Variants in TTLL4 observed in about 807,000 individuals in gnomAD.
The protein encoded by TTLL4 is tubulin tyrosine ligase like 4, also known as tubulin monoglutamylase TTLL4.
TTLL4 carries 85 observed loss-of-function variants against 122.7 expected under a neutral mutation model. That is an observed-to-expected ratio of 0.69 (90% CI 0.58 to 0.83). The LOEUF is 0.83. Ranked by LOEUF, TTLL4 falls within the 40% of genes least tolerant of loss-of-function variation. The pLI is 0.00. For synonymous variants in TTLL4, 553 were observed against 563.0 expected (o/e 0.98, Z 0.25); for missense variants, 1,363 against 1,488.6 (o/e 0.92, Z 1.39).
intron 13 of TTLL4, 113 bp from the exon 14 acceptor site, chr2:218,749,140 T>C: frequency 6.7e-7 from 1 of 1,484,664 alleles, no homozygotes; most frequent in East Asian, 2.3e-5. Flanking sequence ...GAGAGCTACC[T>C]TTCCTGGGTT....
intron 1 of TTLL4, among the ~76,000 whole-genome samples, chr2:218,712,723 A>G (rs1173047290): frequency 6.6e-6 from 1 of 152,150 alleles, no homozygotes; most frequent in Non-Finnish European, 1.5e-5. Context: ...CCTTACAAAA[A>G]AAGGGTAGGA....
Position 218,738,219 on chromosome 2 carries a change from A to G in TTLL4, c.543A>G (p.Pro181=), listed in dbSNP as rs754650718. Residue 181 remains proline (P), a synonymous_variant, in exon 3 of 20, where the codon CCA becomes CCG. Coordinates refer to ENST00000392102, the MANE Select transcript of TTLL4 (RefSeq NM_014640.5). ...CCATGGCCTCCTCATCCACAGAACC[A>G]TACCTCTGCTTGGCAGCGGCTGGGG... ...AQPMASSSTE[P]YLCLAAAGEN... 14 of 1,613,982 alleles carry G rather than the reference A, an allele frequency of 8.7e-6. No homozygotes were observed. The Admixed American group carries it at 2.2e-4, about 25-fold the overall frequency.
chr2:218,724,585 T>A (rs929607018), intron 1 of TTLL4, among the ~76,000 whole-genome samples: 16 of 152,260 alleles, frequency 1.1e-4, no homozygotes, highest in African/African-American at 3.1e-4. Flanking sequence ...TCCATACATG[T>A]TGCTGCAAAT....
rs116690204 is a variant in TTLL4 at position 218,720,707 on chromosome 2, T to C, written c.-177-6562T>C. On this transcript the variant is annotated intron_variant, in intron 1 of 19. Coordinates refer to ENST00000392102, the MANE Select transcript of TTLL4 (RefSeq NM_014640.5). ...AAAAAAAAAAGAAAGAAATACATAA[T>C]TGGGGTGTGCCCCTGGTTCCTGGCT... Among the ~76,000 whole-genome samples, 1,486 of 151,800 alleles carry C rather than the reference T, an allele frequency of 9.8e-3. 28 individuals are homozygous for C. Among genetic ancestry groups the C allele is most frequent in the African/African-American group, 0.034 (1,390 of 41,388 alleles).
chr2:218,713,934 A>G (rs1941785219), intron 1 of TTLL4, among the ~76,000 whole-genome samples: 2 of 152,230 alleles, frequency 1.3e-5, no homozygotes, highest in South Asian at 4.1e-4. Context: ...GACAAGGAGC[A>G]GTGTAGAATG....
intron 5 of TTLL4, among the ~76,000 whole-genome samples, chr2:218,743,856 T>G (rs1035898230): frequency 6.6e-6 from 1 of 152,168 alleles, no homozygotes; most frequent in Non-Finnish European, 1.5e-5. Context: ...ATTTTGTATT[T>G]TTAGTAGAGA....
chr2:218,758,591 TAGAA>T (rs1160468098), downstream of TTLL4, among the ~76,000 whole-genome samples: 3 of 152,202 alleles, frequency 2.0e-5, no homozygotes, highest in East Asian at 1.9e-4. Flanking sequence ...ATAGTTAACT[TAGAA>T]AGATTAAAGC....
At chr2:218,731,578 C>A (rs1211615831) in intron 2 of TTLL4, among the ~76,000 whole-genome samples, 1 of 152,194 alleles carries the variant, frequency 6.6e-6, no homozygotes, top group Non-Finnish European at 1.5e-5. Flanking sequence ...GGAGATAGAT[C>A]ATTTGGTGCC....
In TTLL4 at chr2:218,753,684, G is replaced by A. The variant is rs746364402; in HGVS notation, c.3344+15G>A. The A allele has an allele frequency of 5.6e-6, 9 of 1,613,680 alleles. No individual in the cohort carries two copies. The highest frequency in any genetic ancestry group is 7.6e-6 in the Non-Finnish European group (9 of 1,179,738). ...AGCAAGCTGGGGTGAGTGCTGCCTGGGCAAGGGAGGGGCTGCTGGCTGTGA... is the reference window on the plus strand; with the variant it reads ...AGCAAGCTGGGGTGAGTGCTGCCTGAGCAAGGGAGGGGCTGCTGGCTGTGA... On this transcript the variant is annotated intron_variant, in intron 19 of 19. Coordinates refer to ENST00000392102, the MANE Select transcript of TTLL4 (RefSeq NM_014640.5).
At chr2:218,731,849 C>G (rs1176470737) in intron 2 of TTLL4, among the ~76,000 whole-genome samples, 2 of 152,202 alleles carry the variant, frequency 1.3e-5, no homozygotes. Flanking sequence ...TGAGGAGGAC[C>G]TAGATTGAGG....
At chr2:218,740,333 C>A (rs533112723) in intron 4 of TTLL4, among the ~76,000 whole-genome samples, 166 bp downstream of exon 4, 13 of 152,142 alleles carry the variant, frequency 8.5e-5, no homozygotes, top group Admixed American at 1.3e-4. Flanking sequence ...GGTCTCTAGT[C>A]CTCCTGTCCC....
chr2:218,722,363 T>G (rs1942069293), intron 1 of TTLL4, among the ~76,000 whole-genome samples: 1 of 151,768 alleles, frequency 6.6e-6, no homozygotes, highest in South Asian at 2.1e-4. Flanking sequence ...CATCTTTTTT[T>G]TTTTTGAGCC....
intron 14 of TTLL4, among the ~76,000 whole-genome samples, chr2:218,749,615 GCAC>G (rs544481773): frequency 3.7e-4 from 56 of 152,142 alleles, no homozygotes; most frequent in African/African-American, 1.3e-3. Context: ...CTACAGGCAT[GCAC>G]CACCACACCC....
In TTLL4 at chr2:218,750,135, C is replaced by T; in HGVS notation, c.2862C>T (p.Ser954=). The change falls in exon 15 of 20, where the codon AGC becomes AGT. Residue 954 remains serine (S), a synonymous_variant. Transcript: ENST00000392102. ...TTTCCAGCCCCAGCAGCTGCAGCAGCTCCACCACCAGGTGAGGCCCCTATT... is the reference window on the plus strand; with the variant it reads ...TTTCCAGCCCCAGCAGCTGCAGCAGTTCCACCACCAGGTGAGGCCCCTATT... ...DIISSPSSCS[S]STTSLPTSPG... is the part of the protein sequence containing the mutation. The T allele has an allele frequency of 6.2e-7, 1 of 1,613,810 alleles. No homozygotes were observed. The highest frequency in any genetic ancestry group is 8.5e-7 in the Non-Finnish European group (1 of 1,179,830).
chr2:218,753,051 C>T lies in TTLL4; in HGVS notation c.3188-64C>T. Reference sequence around the variant, plus strand: ...CCAGTATACCAAGAAATGGGCCTCTCTGGAAAGAATTGGCCAATTGATTCT... The same window carrying T: ...CCAGTATACCAAGAAATGGGCCTCTTTGGAAAGAATTGGCCAATTGATTCT... On this transcript the variant is annotated intron_variant, in intron 17 of 19. Coordinates refer to ENST00000392102, the MANE Select transcript of TTLL4 (RefSeq NM_014640.5). 2 of 1,612,904 alleles carry T rather than the reference C, an allele frequency of 1.2e-6. 1 individual carries two copies. The highest frequency in any genetic ancestry group is 1.7e-6 in the Non-Finnish European group (2 of 1,178,898).
rs775635041 is a variant in TTLL4 at position 218,745,222 on chromosome 2, G to A, written c.1775G>A (p.Arg592Gln). ...NVPPTIYFGT[R>Q]DERVEKLPWE... ...CCCCCTACCATCTATTTTGGCACTC[G>A]GGATGAGAGAGGTAAACCTGGCCAA... Residue 592 changes from arginine (R) to glutamine (Q), a missense_variant, in exon 6 of 20, where the codon CGG becomes CAG. This residue lies in a region of TTLL4 where 760 missense variants were observed against 808.4 expected (regional missense o/e 0.94). Transcript: ENST00000392102. The A allele has an allele frequency of 6.8e-6, 11 of 1,613,796 alleles. No individual in the cohort carries two copies. The highest frequency in any genetic ancestry group is 3.3e-5 in the Admixed American group (2 of 59,984).
chr2:218,721,805 G>T (rs772034431), intron 1 of TTLL4, among the ~76,000 whole-genome samples: 1 of 152,122 alleles, frequency 6.6e-6, no homozygotes, highest in Non-Finnish European at 1.5e-5. Flanking sequence ...AGATAGCAAA[G>T]AAATGCATAA....
At chr2:218,712,276 C>T (rs573877541) in intron 1 of TTLL4, among the ~76,000 whole-genome samples, 17 of 152,290 alleles carry the variant, frequency 1.1e-4, no homozygotes, top group Non-Finnish European at 2.5e-4. Context: ...AACTATATCC[C>T]TGGAGCAGTG....
downstream of TTLL4, among the ~76,000 whole-genome samples, chr2:218,757,712 G>T (rs1475514361): frequency 6.6e-6 from 1 of 152,168 alleles, no homozygotes; most frequent in Non-Finnish European, 1.5e-5. Flanking sequence ...TACATACCCA[G>T]TGGCTTCTGG....
Sources: allele counts gnomAD v4.1 joint callset (sites outside exome capture counted in the v4.1 genomes callset), GRCh38; gene constraint gnomAD v4.1.1; regional missense constraint gnomAD v4.1.1; transcripts MANE v1.5; gene names NCBI Gene and HGNC (gene_info 2026-07-23, HGNC 2026-07-21).